The following FAM3B variants were observed in gnomAD, a reference collection of about 807,000 sequenced individuals.
FAM3B encodes the protein FAM3 metabolism regulating signaling molecule B.
A neutral mutation model predicts 28.4 loss-of-function variants in FAM3B; 29 were observed. That is an observed-to-expected ratio of 1.02 (90% CI 0.76 to 1.39). The LOEUF (loss-of-function observed/expected upper bound fraction) is 1.39, where lower values mean the gene tolerates loss of function less well. Ranked by LOEUF, FAM3B falls within the 40% of genes most tolerant of loss-of-function variation. The pLI is 0.00. For missense variants in FAM3B, 266 were observed against 293.9 expected (o/e 0.91, Z 0.69); for synonymous variants, 91 against 103.0 (o/e 0.88, Z 0.71).
At chr21:41,340,609 G>A (rs766751060) in intron 3 of FAM3B, among the ~76,000 whole-genome samples, 2 of 152,164 alleles carry the variant, frequency 1.3e-5, no homozygotes, top group Admixed American at 6.5e-5. Flanking sequence ...TCAACTCATA[G>A]CAATGACCAA....
chr21:41,319,451 C>T (rs1046538446), intron 1 of FAM3B: 6 of 152,210 alleles, frequency 3.9e-5, no homozygotes, highest in Non-Finnish European at 7.3e-5. Context: ...ACTTTATTAC[C>T]TTACAGGGAA....
chr21:41,316,163 A>C (rs376948870), upstream of FAM3B, among the ~76,000 whole-genome samples: 8 of 152,208 alleles, frequency 5.3e-5, no homozygotes, highest in African/African-American at 1.9e-4. Context: ...ATGTCTTCAC[A>C]CATCTGCCTG....
chr21:41,350,888 G>A (rs2089112754), intron 7 of FAM3B, among the ~76,000 whole-genome samples: 1 of 152,132 alleles, frequency 6.6e-6, no homozygotes, highest in Admixed American at 6.5e-5. Context: ...CAGGGGCCTT[G>A]TCCCACCTTA....
At chr21:41,333,458 C>A (rs1323386955) in intron 2 of FAM3B, among the ~76,000 whole-genome samples, 1 of 152,098 alleles carries the variant, frequency 6.6e-6, no homozygotes, top group East Asian at 1.9e-4. Flanking sequence ...GTGGTACCTC[C>A]CTCTTCTCTC....
At chr21:41,351,643 G>A (rs998808023) in intron 7 of FAM3B, among the ~76,000 whole-genome samples, 2 of 152,138 alleles carry the variant, frequency 1.3e-5, no homozygotes, top group African/African-American at 4.8e-5. Context: ...CCCATGTTGG[G>A]AGGGCCTCCT....
chr21:41,316,798 T>A, upstream of FAM3B: 3 of 1,364,100 alleles, frequency 2.2e-6, no homozygotes, highest in Non-Finnish European at 2.9e-6. Context: ...GCCCGCCCCT[T>A]GCCTTCCTGA....
At chr21:41,313,296 T>A (rs973551389), upstream of FAM3B, among the ~76,000 whole-genome samples, 1 of 152,274 alleles carries the variant, frequency 6.6e-6, no homozygotes, top group African/African-American at 2.4e-5. Context: ...ATAGGATTCT[T>A]GTATATTCAC....
In FAM3B at chr21:41,326,826, A is replaced by G. The variant is rs1029048170; in HGVS notation, c.163+3760A>G. On this transcript the variant is annotated intron_variant, in intron 2 of 7. Coordinates refer to ENST00000357985, the MANE Select transcript of FAM3B (RefSeq NM_058186.4). The surrounding 1 kb of genome is among the most constrained non-coding windows in gnomAD (Gnocchi z 4.0). ...CCCTGAGGCAGGAGGAGGAACAGGAACAAGTTAGGCTAGAACCCAGCCCAC... is the reference window on the plus strand; with the variant it reads ...CCCTGAGGCAGGAGGAGGAACAGGAGCAAGTTAGGCTAGAACCCAGCCCAC... Among the ~76,000 whole-genome samples, 12 of 152,230 alleles carry G rather than the reference A, an allele frequency of 7.9e-5. No homozygotes were observed. The highest frequency in any genetic ancestry group is 1.7e-4 in the African/African-American group (7 of 41,468).
intron 1 of FAM3B, among the ~76,000 whole-genome samples, chr21:41,304,876 G>T (rs1468033532): frequency 6.6e-6 from 1 of 152,172 alleles, no homozygotes; most frequent in Non-Finnish European, 1.5e-5. Flanking sequence ...AGACCAGCTA[G>T]GTGGATGCTA....
intron 1 of FAM3B, among the ~76,000 whole-genome samples, chr21:41,307,258 C>G (rs1293456950): frequency 2.0e-5 from 3 of 152,214 alleles, no homozygotes; most frequent in Admixed American, 2.0e-4. Flanking sequence ...TCTCCCAGCT[C>G]CCAACTTTTC....
intron 1 of FAM3B, among the ~76,000 whole-genome samples, chr21:41,321,833 G>A (rs1386329023): frequency 6.6e-6 from 1 of 152,162 alleles, no homozygotes; most frequent in Non-Finnish European, 1.5e-5. Flanking sequence ...GTCAAGCTGA[G>A]GTCCAGAACT....
At chr21:41,316,533 A>G (rs1165536341), upstream of FAM3B, among the ~76,000 whole-genome samples, 7 of 152,178 alleles carry the variant, frequency 4.6e-5, no homozygotes, top group Non-Finnish European at 8.8e-5. Context: ...CAAAGTATCA[A>G]GTGGCGTCGT....
chr21:41,335,762 T>C (rs1316935616), intron 2 of FAM3B, among the ~76,000 whole-genome samples: 2 of 152,248 alleles, frequency 1.3e-5, no homozygotes, highest in Non-Finnish European at 1.5e-5. Flanking sequence ...TAGGAAAAGA[T>C]ACTTGATGCA....
At chr21:41,321,285 G>A (rs1000000431) in intron 1 of FAM3B, among the ~76,000 whole-genome samples, 17 of 152,234 alleles carry the variant, frequency 1.1e-4, no homozygotes, top group African/African-American at 3.9e-4. Flanking sequence ...TGGCCCTGGA[G>A]GGAAGCATCT....
upstream of FAM3B, among the ~76,000 whole-genome samples, chr21:41,312,510 C>A (rs1031268760): frequency 6.6e-6 from 1 of 152,148 alleles, no homozygotes; most frequent in African/African-American, 2.4e-5. Flanking sequence ...CACCTTGAGA[C>A]CTGCTGGGCT....
chr21:41,318,665 A>G (rs537658834), intron 1 of FAM3B, among the ~76,000 whole-genome samples: 1 of 152,266 alleles, frequency 6.6e-6, no homozygotes, highest in East Asian at 1.9e-4. Flanking sequence ...TGTGGCCTTC[A>G]TGGTGAGGTG....
At chr21:41,350,911 A>G (rs1477798753) in intron 7 of FAM3B, among the ~76,000 whole-genome samples, 1 of 151,966 alleles carries the variant, frequency 6.6e-6, no homozygotes, top group East Asian at 1.9e-4. Context: ...TAACCACCCC[A>G]GCTTATTTAA....
rs573794470 is a variant in FAM3B at position 41,347,089 on chromosome 21, C to T, written c.474C>T (p.Asp158=). The stretch of plus-strand genomic sequence containing the variant: ...TGCTCTTCATGGTGACCTATGACGA[C>T]GGAAGCACAAGGTGAGTGGGTGTAG... The part of the protein sequence containing the change: ...KSLLFMVTYD[D]GSTRLNNDAK... The change falls in exon 6 of 8, where the codon GAC becomes GAT. Residue 158 remains aspartate, a synonymous_variant. Transcript: ENST00000357985. 6.1e-5 allele frequency: 98 copies of T among 1,614,076 alleles called. 1 individual carries two copies. In the South Asian group the frequency reaches 7.7e-4, roughly 13 times the overall value.
At chr21:41,322,888 T>C in intron 1 of FAM3B, 35 bp from the exon 2 acceptor site, 1 of 1,614,154 alleles carries the variant, frequency 6.2e-7, no homozygotes, top group African/African-American at 1.3e-5. Flanking sequence ...CGCCACCAAG[T>C]CGTTCACAGC....
Sources: allele counts gnomAD v4.1 joint callset (sites outside exome capture counted in the v4.1 genomes callset), GRCh38; gene constraint gnomAD v4.1.1; non-coding constraint Gnocchi (gnomAD v3.1); transcripts MANE v1.5; gene names NCBI Gene and HGNC (gene_info 2026-07-23, HGNC 2026-07-21).